Variants in ZFAND3 observed in about 807,000 individuals in gnomAD.
ZFAND3 encodes the protein zinc finger AN1-type containing 3, also known as AN1-type zinc finger protein 3.
ZFAND3 carries 10 observed loss-of-function variants against 29.6 expected under a neutral mutation model. That is an observed-to-expected ratio of 0.34 (90% CI 0.21 to 0.57). The LOEUF is 0.57. Among genes scored for constraint, ZFAND3 ranks in the 20% least tolerant of loss-of-function variants. The pLI is 0.86. For missense variants in ZFAND3, 230 were observed against 304.5 expected (o/e 0.76, Z 1.82); for synonymous variants, 128 against 112.6 (o/e 1.14, Z -0.87).
At chr6:38,038,545 CT>C (rs1165073960) in intron 2 of ZFAND3, among the ~76,000 whole-genome samples, 1 of 152,096 alleles carries the variant, frequency 6.6e-6, no homozygotes, top group African/African-American at 2.4e-5. Context: ...CAGGGTTCAC[CT>C]TAGGCCCCCA....
At chr6:37,955,613 A>G (rs889048749) in intron 2 of ZFAND3, among the ~76,000 whole-genome samples, 2 of 152,232 alleles carry the variant, frequency 1.3e-5, no homozygotes, top group African/African-American at 4.8e-5. Context: ...GCTATGACCC[A>G]GTAACTATTA....
intron 5 of ZFAND3, among the ~76,000 whole-genome samples, chr6:38,130,524 G>A (rs1765722552): frequency 6.6e-6 from 1 of 152,192 alleles, no homozygotes; most frequent in African/African-American, 2.4e-5. Context: ...ATCATAAAGT[G>A]ATGCTGGATT....
intron 1 of ZFAND3, among the ~76,000 whole-genome samples, chr6:37,922,686 C>G (rs1761405619): frequency 6.6e-6 from 1 of 152,174 alleles, no homozygotes; most frequent in African/African-American, 2.4e-5. Context: ...GGCTACAAAC[C>G]TGTAGAACAT....
At chr6:38,039,216 C>G (rs761733330) in intron 2 of ZFAND3, among the ~76,000 whole-genome samples, 6 of 152,112 alleles carry the variant, frequency 3.9e-5, no homozygotes, top group Non-Finnish European at 7.4e-5. Context: ...AAATCTGCTT[C>G]CTTACTAAAG....
At chr6:37,915,452 TCTAG>T (rs1302324718) in intron 1 of ZFAND3, 1 of 152,238 alleles carries the variant, frequency 6.6e-6, no homozygotes, top group Non-Finnish European at 1.5e-5. Context: ...CTTAATCATT[TCTAG>T]TTTTTGATTT....
At chr6:37,917,402 A>C (rs544296800) in intron 1 of ZFAND3, among the ~76,000 whole-genome samples, 1 of 152,360 alleles carries the variant, frequency 6.6e-6, no homozygotes, top group South Asian at 2.1e-4. Context: ...TTTTACCCTG[A>C]AGACAGAATT....
intron 2 of ZFAND3, among the ~76,000 whole-genome samples, chr6:38,038,973 A>G (rs1763710863): frequency 6.6e-6 from 1 of 152,232 alleles, no homozygotes; most frequent in African/African-American, 2.4e-5. Context: ...CGGAGGTTGA[A>G]GTAAACAGGT....
At chr6:37,846,522 A>G (rs1764179959) in intron 1 of ZFAND3, among the ~76,000 whole-genome samples, 1 of 152,196 alleles carries the variant, frequency 6.6e-6, no homozygotes, top group Non-Finnish European at 1.5e-5. Flanking sequence ...ACTATGTAGT[A>G]TACAGACCCT....
In ZFAND3 at chr6:38,082,797, A is replaced by G. The variant is rs571299390; in HGVS notation, c.361+340A>G. On this transcript the variant is annotated intron_variant, in intron 4 of 5. Transcript: ENST00000287218. The stretch of plus-strand genomic sequence containing the variant: ...TCTGAGGGCCAAGATTGAAATTTTA[A>G]TAGTTTTAATGTAGAAAATCAGTGT... Among the ~76,000 whole-genome samples the G allele has an allele frequency of 1.1e-4, 16 of 152,318 alleles. No homozygotes were observed. In the East Asian group the frequency reaches 2.5e-3, roughly 24 times the overall value.
intron 5 of ZFAND3, among the ~76,000 whole-genome samples, chr6:38,127,139 G>A (rs1188917299): frequency 6.6e-6 from 1 of 152,102 alleles, no homozygotes; most frequent in Non-Finnish European, 1.5e-5. Flanking sequence ...TTGAATAGAA[G>A]TGGAGTCATC....
chr6:38,018,147 C>T (rs1763283896), intron 2 of ZFAND3, among the ~76,000 whole-genome samples: 2 of 152,108 alleles, frequency 1.3e-5, no homozygotes, highest in Non-Finnish European at 2.9e-5. Flanking sequence ...CACCTGTAAC[C>T]TGACTCCTAT....
At chr6:37,824,437 A>G (rs1040637741) in intron 1 of ZFAND3, among the ~76,000 whole-genome samples, 1 of 152,230 alleles carries the variant, frequency 6.6e-6, no homozygotes, top group African/African-American at 2.4e-5. Context: ...AAGTATAAGA[A>G]TATAGTATGT....
chr6:37,924,421 G>T (rs77522971), intron 1 of ZFAND3, among the ~76,000 whole-genome samples: 2 of 151,620 alleles, frequency 1.3e-5, no homozygotes, highest in Non-Finnish European at 2.9e-5. Flanking sequence ...GTGACCAAAG[G>T]AGTCTTTGCT....
At position 37,956,758 on chromosome 6, in the gene ZFAND3, T is replaced by A. The variant is rs968109702; in HGVS notation, c.112+26759T>A. ...TTCTAAGGAGGTTCATGAATTTTAT[T>A]GAGGCACTTGCATCTGAAGTAATTG... On this transcript the variant is annotated intron_variant, in intron 2 of 5. Transcript: ENST00000287218. Among the ~76,000 whole-genome samples, 13 of 152,206 alleles carry A rather than the reference T, an allele frequency of 8.5e-5. 1 individual carries two copies.
At chr6:38,141,952 G>A (rs931465069) in intron 5 of ZFAND3, among the ~76,000 whole-genome samples, 3 of 152,240 alleles carry the variant, frequency 2.0e-5, no homozygotes, top group Non-Finnish European at 4.4e-5. Context: ...GCCCGTAACA[G>A]CCCCATCTTA....
chr6:37,915,936 A>G (rs556376277), intron 1 of ZFAND3, among the ~76,000 whole-genome samples: 30 of 151,872 alleles, frequency 2.0e-4, no homozygotes, highest in Non-Finnish European at 3.2e-4. Context: ...CGCCCAGCTA[A>G]TTTTTTATTT....
intron 1 of ZFAND3, among the ~76,000 whole-genome samples, chr6:37,882,227 C>G (rs1764909932): frequency 6.6e-6 from 1 of 152,120 alleles, no homozygotes; most frequent in South Asian, 2.1e-4. Flanking sequence ...GTCCAACCTC[C>G]CCTGAAATAG....
intron 2 of ZFAND3, 53 bp from the exon 3 acceptor site, chr6:38,061,540 A>G (rs1209411554): frequency 3.1e-6 from 5 of 1,594,740 alleles, no homozygotes; most frequent in Non-Finnish European, 4.3e-6. Context: ...TTGTTTTCTA[A>G]TCCTCAGAGA....
chr6:38,000,739 A>G (rs1199774487), intron 2 of ZFAND3, among the ~76,000 whole-genome samples: 1 of 152,236 alleles, frequency 6.6e-6, no homozygotes, highest in Non-Finnish European at 1.5e-5. Context: ...ATATATCAAT[A>G]TTTAGACTAA....
Sources: gnomAD v4.1 joint callset for allele counts (sites outside exome capture counted in the v4.1 genomes callset) on GRCh38, gnomAD v4.1.1 for gene constraint, MANE v1.5 for transcripts, NCBI Gene and HGNC (gene_info 2026-07-23, HGNC 2026-07-21) for gene names.